Variants in IMMP2L observed in about 807,000 individuals in gnomAD.
IMMP2L encodes mitochondrial inner membrane protease subunit 2.
In IMMP2L, 18 loss-of-function variants were observed where a neutral mutation model predicts 19.3. The observed-to-expected ratio is 0.93, with a 90% confidence interval of 0.64 to 1.38. IMMP2L has a LOEUF of 1.38. IMMP2L is among the 40% of genes most tolerant of loss of function. The probability of loss-of-function intolerance (pLI) is 0.00; values close to 1 mark genes in which losing one functional copy is unlikely to be tolerated. For missense variants in IMMP2L, 233 were observed against 218.2 expected, an observed-to-expected ratio of 1.07 and a Z score of -0.43; for synonymous variants, 76 against 73.0, an observed-to-expected ratio of 1.04 and a Z score of -0.21.
At chr7:110,802,024 G>T (rs1801283981) in intron 5 of IMMP2L, among the ~76,000 whole-genome samples, 1 of 151,956 alleles carries the variant, frequency 6.6e-6, no homozygotes, top group Non-Finnish European at 1.5e-5. Flanking sequence ...GAAATACATG[G>T]AGCCCGGGGC....
At chr7:110,997,219 T>C (rs897547311) in intron 3 of IMMP2L, among the ~76,000 whole-genome samples, 1 of 152,156 alleles carries the variant, frequency 6.6e-6, no homozygotes, top group African/African-American at 2.4e-5. Flanking sequence ...GTTGCATATA[T>C]CAATAGTTCA....
At chr7:111,458,345 C>G (rs1416304465) in intron 3 of IMMP2L, among the ~76,000 whole-genome samples, 2 of 151,958 alleles carry the variant, frequency 1.3e-5, no homozygotes, top group Non-Finnish European at 2.9e-5. Flanking sequence ...TGCCACTGCA[C>G]TCCAGCTTGG....
In IMMP2L at chr7:111,480,170, G is replaced by A. The variant is rs372636690; in HGVS notation, c.239+7068C>T. On this transcript the variant is annotated intron_variant, in intron 3 of 5. Transcript: ENST00000405709. ...GCAATCTCGGCTCACTGCAAGCTCC[G>A]CCTCCCAGGTTCACGCCATTCTCCT... Among the ~76,000 whole-genome samples, 28 of 149,928 alleles carry A rather than the reference G, an allele frequency of 1.9e-4. No individual in the cohort carries two copies. The East Asian group carries it at 3.8e-3, about 20-fold the overall frequency.
At chr7:110,688,893 C>A (rs1350420767) in intron 5 of IMMP2L, among the ~76,000 whole-genome samples, 1 of 149,746 alleles carries the variant, frequency 6.7e-6, no homozygotes, top group African/African-American at 2.5e-5. Context: ...CATATGTATA[C>A]ACACACACTT....
chr7:111,230,968 C>A (rs1813646476), intron 3 of IMMP2L, among the ~76,000 whole-genome samples: 1 of 151,534 alleles, frequency 6.6e-6, no homozygotes, highest in South Asian at 2.1e-4. Flanking sequence ...GGAGTGACAT[C>A]TGACAAAGGC....
At chr7:111,518,995 T>C (rs1044811168) in intron 2 of IMMP2L, among the ~76,000 whole-genome samples, 3 of 152,160 alleles carry the variant, frequency 2.0e-5, no homozygotes, top group Admixed American at 6.5e-5. Context: ...TTGGGGTGTG[T>C]ACTTGTTCAA....
intron 5 of IMMP2L, among the ~76,000 whole-genome samples, chr7:110,852,503 G>A (rs548520726): frequency 6.6e-6 from 1 of 151,990 alleles, no homozygotes; most frequent in Admixed American, 6.6e-5. Context: ...GAAAATTTTT[G>A]ATCTTCTATA....
At chr7:111,445,980 A>T (rs1343454006) in intron 3 of IMMP2L, among the ~76,000 whole-genome samples, 1 of 151,946 alleles carries the variant, frequency 6.6e-6, no homozygotes, top group East Asian at 1.9e-4. Context: ...CTCCCACCCG[A>T]ATATTGCGCT....
chr7:111,474,755 A>G (rs59312485), intron 3 of IMMP2L, among the ~76,000 whole-genome samples: 3 of 152,032 alleles, frequency 2.0e-5, no homozygotes, highest in African/African-American at 7.2e-5. Context: ...TTGCAACTCA[A>G]TTAACACAGT....
chr7:111,230,753 C>G (rs1813623477), intron 3 of IMMP2L, among the ~76,000 whole-genome samples: 1 of 151,880 alleles, frequency 6.6e-6, no homozygotes, highest in African/African-American at 2.4e-5. Context: ...TGTATGAGAG[C>G]AAGAAACAGT....
At chr7:111,048,420 T>C (rs1367354006) in intron 3 of IMMP2L, among the ~76,000 whole-genome samples, 1 of 152,118 alleles carries the variant, frequency 6.6e-6, no homozygotes, top group Non-Finnish European at 1.5e-5. Context: ...ACAATCCTTC[T>C]GGAACTGATT....
chr7:111,132,349 T>C (rs905116832), intron 3 of IMMP2L, among the ~76,000 whole-genome samples: 11 of 151,982 alleles, frequency 7.2e-5, no homozygotes, highest in Admixed American at 5.2e-4. Flanking sequence ...TACAGGAAAA[T>C]ACAGAATGGT....
chr7:110,759,888 T>C (rs528468404), intron 5 of IMMP2L, among the ~76,000 whole-genome samples: 1 of 152,256 alleles, frequency 6.6e-6, no homozygotes, highest in African/African-American at 2.4e-5. Context: ...CTTATTATTA[T>C]TAGATTCATT....
chr7:111,487,468 G>A, intron 2 of IMMP2L, 127 bp from the exon 3 acceptor site: 1 of 531,994 alleles, frequency 1.9e-6, no homozygotes, highest in Non-Finnish European at 3.3e-6. Flanking sequence ...ATAAATTGCT[G>A]TTCTAAAGTA....
intron 3 of IMMP2L, among the ~76,000 whole-genome samples, chr7:111,019,733 C>T (rs1826084065): frequency 6.6e-6 from 1 of 152,082 alleles, no homozygotes; most frequent in Non-Finnish European, 1.5e-5. Context: ...AATGCCAGTG[C>T]CTTTGGAAAG....
At chr7:111,227,112 G>C (rs989245601) in intron 3 of IMMP2L, among the ~76,000 whole-genome samples, 10 of 152,040 alleles carry the variant, frequency 6.6e-5, no homozygotes, top group African/African-American at 2.4e-4. Flanking sequence ...AGCTGCGTAA[G>C]GGGCTTTCAA....
intron 3 of IMMP2L, among the ~76,000 whole-genome samples, chr7:111,205,614 T>C (rs973020539): frequency 6.6e-6 from 1 of 151,694 alleles, no homozygotes; most frequent in Non-Finnish European, 1.5e-5. Context: ...TTGTAAACTA[T>C]CCATATCAGT....
In IMMP2L at chr7:111,123,105, T is replaced by C. The variant is rs1800851254; in HGVS notation, c.240-159540A>G. 4 of 1,613,726 alleles carry C rather than the reference T, an allele frequency of 2.5e-6. No individual in the cohort carries two copies. The highest frequency in any genetic ancestry group is 3.4e-6 in the Non-Finnish European group (4 of 1,179,864). On this transcript the variant is annotated intron_variant, in intron 3 of 5. Coordinates refer to ENST00000405709, the MANE Select transcript of IMMP2L (RefSeq NM_032549.4). The surrounding 1 kb of genome is among the most constrained non-coding windows in gnomAD (Gnocchi z 6.4). ...ATTTATCTTCAGTCACCAATATTAATGTAAAAAAGATGCCTCAGCTCCTTT... is the reference window on the plus strand; with the variant it reads ...ATTTATCTTCAGTCACCAATATTAACGTAAAAAAGATGCCTCAGCTCCTTT...
chr7:111,517,112 T>G (rs1237642733), intron 2 of IMMP2L, among the ~76,000 whole-genome samples: 3 of 144,082 alleles, frequency 2.1e-5, no homozygotes, highest in Non-Finnish European at 4.4e-5. Flanking sequence ...TAGGTTAAAA[T>G]TTTTTAAAAA....
Sources: gnomAD v4.1 joint callset for allele counts (sites outside exome capture counted in the v4.1 genomes callset) on GRCh38, gnomAD v4.1.1 for gene constraint, Gnocchi (gnomAD v3.1) non-coding constraint, MANE v1.5 for transcripts, NCBI Gene and HGNC (gene_info 2026-07-23, HGNC 2026-07-21) for gene names.